RALYL: variants seen among roughly 807,000 people sequenced by gnomAD.
RALYL encodes the protein RALY RNA binding protein like.
RALYL carries 29 observed loss-of-function variants against 35.1 expected under a neutral mutation model. That is an observed-to-expected ratio of 0.83 (90% CI 0.61 to 1.13). The LOEUF (loss-of-function observed/expected upper bound fraction) is 1.13. Among genes scored for constraint, RALYL ranks in the 50% most tolerant of loss-of-function variants. RALYL has a pLI of 0.00. For synonymous variants in RALYL, 120 were observed against 127.6 expected (o/e 0.94, Z 0.40); for missense variants, 359 against 360.4 (o/e 1.00, Z 0.03).
intron 8 of RALYL, among the ~76,000 whole-genome samples, chr8:84,892,466 C>T (rs1004456784): frequency 2.0e-5 from 3 of 151,814 alleles, no homozygotes; most frequent in Admixed American, 6.6e-5. Flanking sequence ...AAAAATTAGC[C>T]GGGCATGGTA....
intron 1 of RALYL, among the ~76,000 whole-genome samples, chr8:84,495,372 A>C (rs2134115409): frequency 6.6e-6 from 1 of 152,234 alleles, no homozygotes. Context: ...AAATACTTTG[A>C]GACATCAACT....
At chr8:84,576,608 T>C (rs1419806590) in intron 2 of RALYL, among the ~76,000 whole-genome samples, 1 of 152,172 alleles carries the variant, frequency 6.6e-6, no homozygotes, top group Non-Finnish European at 1.5e-5. Flanking sequence ...CACTTCTTGC[T>C]TACATGGCCT....
chr8:84,285,629 G>A (rs1837447569), intron 1 of RALYL, among the ~76,000 whole-genome samples: 1 of 152,124 alleles, frequency 6.6e-6, no homozygotes, highest in South Asian at 2.1e-4. Context: ...TGGAGGAGGT[G>A]AGAGAAGAGT....
intron 1 of RALYL, among the ~76,000 whole-genome samples, chr8:84,357,006 A>G (rs575158132): frequency 2.6e-5 from 4 of 152,252 alleles, no homozygotes; most frequent in African/African-American, 9.6e-5. Flanking sequence ...TAATGAGTCC[A>G]GTTACTGTTG....
chr8:84,708,586 A>G (rs1841612336), intron 2 of RALYL, among the ~76,000 whole-genome samples: 1 of 152,142 alleles, frequency 6.6e-6, no homozygotes, highest in South Asian at 2.1e-4. Context: ...AATACATGCA[A>G]ACCTGTTTTT....
intron 1 of RALYL, among the ~76,000 whole-genome samples, chr8:84,310,632 A>G (rs578086646): frequency 1.3e-5 from 2 of 152,352 alleles, no homozygotes; most frequent in South Asian, 4.1e-4. Context: ...GTTCAATCAT[A>G]TAAAAATAAA....
intron 1 of RALYL, among the ~76,000 whole-genome samples, chr8:84,524,517 G>GT (rs1257389155): frequency 6.6e-6 from 1 of 152,170 alleles, no homozygotes; most frequent in African/African-American, 2.4e-5. Flanking sequence ...TTTATACAAT[G>GT]TAAGTGTCTT....
intron 2 of RALYL, among the ~76,000 whole-genome samples, chr8:84,617,098 C>A (rs1450973872): frequency 6.7e-6 from 1 of 150,256 alleles, no homozygotes; most frequent in Non-Finnish European, 1.5e-5. Context: ...TCCATATGAA[C>A]TTTAAAGTAG....
chr8:84,257,351 C>T (rs1434505178), intron 1 of RALYL, among the ~76,000 whole-genome samples: 3 of 152,042 alleles, frequency 2.0e-5, no homozygotes, highest in African/African-American at 7.2e-5. Context: ...CTTATAATTA[C>T]AGAAGAAAAT....
chr8:84,637,650 A>G (rs1322668396), intron 2 of RALYL, among the ~76,000 whole-genome samples: 2 of 151,836 alleles, frequency 1.3e-5, no homozygotes, highest in Admixed American at 6.6e-5. Context: ...AGGGAAAGGT[A>G]CTCAGTACAA....
In RALYL at chr8:84,529,288, G is replaced by A. The variant is rs1249706475; in HGVS notation, c.-23-11G>A. The A allele has an allele frequency of 6.5e-7, 1 of 1,549,558 alleles. No homozygotes were observed. Among genetic ancestry groups the A allele is most frequent in the South Asian group, 1.2e-5 (1 of 84,260 alleles). ...GATTATTTGTTTTGTTTGTTTGTTTGTTTGTTTAAGGATTAAAGCAAGGAG... is the reference window on the plus strand; with the variant it reads ...GATTATTTGTTTTGTTTGTTTGTTTATTTGTTTAAGGATTAAAGCAAGGAG... On this transcript the variant is annotated splice_polypyrimidine_tract_variant and intron_variant, in intron 1 of 8. Transcript: ENST00000521268.
intron 1 of RALYL, among the ~76,000 whole-genome samples, chr8:84,218,169 A>C (rs1978828): frequency 0.3 from 45,117 of 151,826 alleles, 7,395 homozygotes; most frequent in African/African-American, 0.44. Context: ...TAGTCATAGA[A>C]AATTTATTTA....
intron 1 of RALYL, among the ~76,000 whole-genome samples, chr8:84,188,091 GTTGT>G (rs937918799): frequency 4.6e-5 from 7 of 151,936 alleles, no homozygotes; most frequent in Non-Finnish European, 4.4e-5. Context: ...TTTTATTTTA[GTTGT>G]TTATTTTTAT....
At chr8:84,765,402 A>G (rs560914989) in intron 2 of RALYL, among the ~76,000 whole-genome samples, 18 of 152,294 alleles carry the variant, frequency 1.2e-4, no homozygotes, top group Non-Finnish European at 2.2e-4. Context: ...GGGGCAGGGT[A>G]TCACCTCTTT....
chr8:84,633,621 A>G (rs1421156609), intron 2 of RALYL, among the ~76,000 whole-genome samples: 1 of 151,896 alleles, frequency 6.6e-6, no homozygotes, highest in Non-Finnish European at 1.5e-5. Context: ...ACAACAAAAC[A>G]TTGTAAAAGA....
intron 4 of RALYL, among the ~76,000 whole-genome samples, chr8:84,840,457 T>C (rs1055513388): frequency 1.3e-5 from 2 of 152,184 alleles, no homozygotes; most frequent in Non-Finnish European, 2.9e-5. Flanking sequence ...CCAAGTAATA[T>C]GGGACTATGT....
At chr8:84,597,048 CT>C (rs1484322905) in intron 2 of RALYL, among the ~76,000 whole-genome samples, 2 of 152,024 alleles carry the variant, frequency 1.3e-5, no homozygotes, top group African/African-American at 4.8e-5. Flanking sequence ...GAAAACGAAC[CT>C]TTTAAAAGCT....
intron 2 of RALYL, among the ~76,000 whole-genome samples, chr8:84,772,767 A>G (rs1450124786): frequency 6.6e-6 from 1 of 152,076 alleles, no homozygotes; most frequent in Non-Finnish European, 1.5e-5. Flanking sequence ...ATCATCAGCA[A>G]TTAGTGACAG....
At chr8:84,418,242 T>C (rs2044970176) in intron 1 of RALYL, among the ~76,000 whole-genome samples, 1 of 152,178 alleles carries the variant, frequency 6.6e-6, no homozygotes, top group South Asian at 2.1e-4. Context: ...TTACGGAACC[T>C]TGGGCACAGT....
Sources: allele counts gnomAD v4.1 joint callset (sites outside exome capture counted in the v4.1 genomes callset), GRCh38; gene constraint gnomAD v4.1.1; transcripts MANE v1.5; gene names NCBI Gene and HGNC (gene_info 2026-07-23, HGNC 2026-07-21).